Variants in NF2 observed in about 807,000 individuals in gnomAD.
NF2 encodes merlin.
NF2 carries 8 observed loss-of-function variants against 83.7 expected under a neutral mutation model. That is an observed-to-expected ratio of 0.10 (90% CI 0.06 to 0.17). The LOEUF is 0.17. Among genes scored for constraint, NF2 ranks in the 10% least tolerant of loss-of-function variants. The pLI is 1.00. For synonymous variants in NF2, 266 were observed against 269.6 expected (o/e 0.99, Z 0.13); for missense variants, 533 against 744.4 (o/e 0.72, Z 3.31).
intron 5 of NF2, 108 bp from the exon 6 acceptor site, chr22:29,655,485 TA>T: frequency 2.4e-6 from 2 of 845,882 alleles, no homozygotes; most frequent in South Asian, 1.4e-5. Flanking sequence ...TGTAGCTTTT[TA>T]AAAATAGCTT....
intron 1 of NF2, among the ~76,000 whole-genome samples, chr22:29,627,556 C>A (rs960155092): frequency 1.3e-5 from 2 of 152,020 alleles, no homozygotes; most frequent in African/African-American, 4.8e-5. Flanking sequence ...AACTGAGGCC[C>A]GGTTGAGCTG....
At chr22:29,608,843 T>C (rs2064874062) in intron 1 of NF2, 1 of 400,044 alleles carries the variant, frequency 2.5e-6, no homozygotes, top group Non-Finnish European at 4.6e-6. Flanking sequence ...CAAGTAAAGA[T>C]ATTAAATTAG....
intron 15 of NF2, among the ~76,000 whole-genome samples, chr22:29,686,890 G>A (rs1370777396): frequency 3.3e-5 from 5 of 152,188 alleles, no homozygotes; most frequent in Admixed American, 3.3e-4. Context: ...CCTGGCATCT[G>A]AGCCTTCCGA....
Position 29,697,171 on chromosome 22 carries a change from T to A in NF2, c.*2369T>A, listed in dbSNP as rs150581809. The A allele has an allele frequency of 5.0e-6, 1 of 201,362 alleles. No homozygotes were observed. Among genetic ancestry groups the A allele is most frequent in the Non-Finnish European group, 1.0e-5 (1 of 97,556 alleles). The allele number at this position is 201,362 out of a possible 1,614,324, so 12.5% of individuals were successfully genotyped here. The stretch of plus-strand genomic sequence containing the variant: ...TTTCCACCAGGAGTTACTTTCCTCC[T>A]GACCTGTAAATTTGTTCTTTAACAA... On this transcript the variant is annotated 3_prime_UTR_variant, in exon 16 of 16. Coordinates refer to ENST00000338641, the MANE Select transcript of NF2 (RefSeq NM_000268.4).
At chr22:29,626,310 C>T (rs896450468) in intron 1 of NF2, among the ~76,000 whole-genome samples, 4 of 151,880 alleles carry the variant, frequency 2.6e-5, no homozygotes, top group East Asian at 1.9e-4. Flanking sequence ...CTTGCTACCA[C>T]GCCCAGCTAA....
In NF2 at chr22:29,674,914, G is replaced by C. The variant is rs2147093470; in HGVS notation, c.1419G>C (p.Leu473=). 1 of 1,572,566 alleles carries C rather than the reference G, an allele frequency of 6.4e-7. No homozygotes were observed. The highest frequency in any genetic ancestry group is 8.6e-7 in the Non-Finnish European group (1 of 1,158,128). The change falls in exon 13 of 16, where the codon CTG becomes CTC. Residue 473 remains leucine, a synonymous_variant. Coordinates refer to ENST00000338641, the MANE Select transcript of NF2 (RefSeq NM_000268.4). ...EAERRAKQKL[L]EIATKPTYPP... Reference sequence around the variant, plus strand: ...AGCGAAGAGCCAAGCAGAAGCTCCTGGAGATTGCCACCAAGCCCACGTACC... The same window carrying C: ...AGCGAAGAGCCAAGCAGAAGCTCCTCGAGATTGCCACCAAGCCCACGTACC...
rs1007507332 is a variant in NF2 at position 29,683,548 on chromosome 22, T to G, written c.1737+1947T>G. 15 of 1,114,292 alleles carry G rather than the reference T, an allele frequency of 1.3e-5. No individual in the cohort carries two copies. In the Admixed American group the frequency reaches 5.3e-4, roughly 40 times the overall value. 69.0% of individuals were successfully genotyped at this position (1,114,292 alleles called of 1,614,324 possible). A position where few individuals can be genotyped will look rare whatever the true frequency, so the allele number is the denominator to read the frequency against. On this transcript the variant is annotated intron_variant, in intron 15 of 15. Coordinates refer to ENST00000338641, the MANE Select transcript of NF2 (RefSeq NM_000268.4). ...GCTTCTGGTAGTGGGGCAAAAGGGT[T>G]GCTTGTGCTGGCTCATTTTCCTTTA...
At chr22:29,606,389 G>A (rs980589242) in intron 1 of NF2, among the ~76,000 whole-genome samples, 6 of 152,198 alleles carry the variant, frequency 3.9e-5, no homozygotes, top group East Asian at 1.9e-4. Flanking sequence ...AGGTTATTGC[G>A]GTCCCCTGCC....
At chr22:29,626,829 T>C (rs1052623433) in intron 1 of NF2, among the ~76,000 whole-genome samples, 1 of 152,228 alleles carries the variant, frequency 6.6e-6, no homozygotes, top group South Asian at 2.1e-4. Flanking sequence ...TTATTTGTGC[T>C]GAATTTACTA....
intron 13 of NF2, among the ~76,000 whole-genome samples, chr22:29,676,895 A>G (rs1428399674): frequency 7.8e-6 from 1 of 127,804 alleles, no homozygotes; most frequent in East Asian, 2.1e-4. Flanking sequence ...GAAGTGCCCA[A>G]ATTACAACTG....
At chr22:29,656,542 G>A (rs942331320) in intron 6 of NF2, among the ~76,000 whole-genome samples, 6 of 150,802 alleles carry the variant, frequency 4.0e-5, no homozygotes, top group African/African-American at 1.5e-4. Flanking sequence ...CTCCCGAGTA[G>A]CTGGGACTAC....
chr22:29,662,979 G>A (rs1359372588), intron 8 of NF2, among the ~76,000 whole-genome samples: 2 of 152,106 alleles, frequency 1.3e-5, no homozygotes, highest in Admixed American at 6.5e-5. Context: ...CTTTTTCATG[G>A]CAACTCAAGG....
At chr22:29,645,233 T>TA (rs1337875168) in intron 4 of NF2, among the ~76,000 whole-genome samples, 1 of 152,094 alleles carries the variant, frequency 6.6e-6, no homozygotes, top group African/African-American at 2.4e-5. Context: ...ATTTGCTGAG[T>TA]ATTCATCAGG....
intron 7 of NF2, among the ~76,000 whole-genome samples, chr22:29,660,832 G>T (rs574825899): frequency 1.3e-5 from 2 of 152,230 alleles, no homozygotes; most frequent in African/African-American, 2.4e-5. Context: ...CTCCCAAAGT[G>T]CTGGGATTAC....
chr22:29,675,343 C>G (rs2066928896), intron 13 of NF2, among the ~76,000 whole-genome samples: 1 of 152,202 alleles, frequency 6.6e-6, no homozygotes, highest in Non-Finnish European at 1.5e-5. Flanking sequence ...CTGTACACCT[C>G]AGAGTGAATT....
At chr22:29,681,106 G>C (rs1221219783) in intron 14 of NF2, among the ~76,000 whole-genome samples, 1 of 150,242 alleles carries the variant, frequency 6.7e-6, no homozygotes, top group African/African-American at 2.5e-5. Context: ...TCCCAAGCTG[G>C]TCTCCAACTC....
chr22:29,673,222 A>G (rs2147081949), intron 11 of NF2, 47 bp from the exon 12 acceptor site: 1 of 1,542,996 alleles, frequency 6.5e-7, no homozygotes, highest in Non-Finnish European at 8.8e-7. Context: ...TCTGGGCGGG[A>G]GAACAGCACA....
intron 8 of NF2, 129 bp downstream of exon 8, chr22:29,661,468 G>A: frequency 7.2e-7 from 1 of 1,385,148 alleles, no homozygotes; most frequent in Non-Finnish European, 1.0e-6. Context: ...CTTTGAGGGT[G>A]TGGTTGTTGA....
intron 3 of NF2, among the ~76,000 whole-genome samples, chr22:29,639,553 A>C (rs2065744018): frequency 6.6e-6 from 1 of 152,214 alleles, no homozygotes; most frequent in Non-Finnish European, 1.5e-5. Flanking sequence ...AGTCTTATAA[A>C]GCAGTAGTTC....
Sources: gnomAD v4.1 joint callset for allele counts (sites outside exome capture counted in the v4.1 genomes callset) on GRCh38, gnomAD v4.1.1 for gene constraint, MANE v1.5 for transcripts, NCBI Gene and HGNC (gene_info 2026-07-23, HGNC 2026-07-21) for gene names.